IAPP: variants seen among roughly 807,000 people sequenced by gnomAD.
IAPP encodes Islet amyloid polypeptide (diabetes-associated peptide; amylin).
Under a neutral mutation model 2.9 loss-of-function variants are expected in IAPP, and 4 were observed. The ratio of observed to expected loss-of-function variants is 1.39; its 90% CI spans 0.69 to 3.19. IAPP has a LOEUF of 3.19. IAPP is among the 30% of genes most tolerant of loss of function. The pLI, the probability that IAPP is intolerant of heterozygous loss-of-function variation, is 0.01. For missense variants in IAPP, 114 were observed against 105.3 expected (o/e 1.08, Z -0.36); for synonymous variants, 40 against 42.1 (o/e 0.95, Z 0.19).
chr12:21,364,717 G>A (rs1190245419), intron 1 of IAPP, among the ~76,000 whole-genome samples: 1 of 152,014 alleles, frequency 6.6e-6, no homozygotes, highest in African/African-American at 2.4e-5. Context: ...TACAAACTCA[G>A]TGTGCAAAAT....
chr12:21,362,807 C>A (rs1013109779), intron 1 of IAPP, among the ~76,000 whole-genome samples: 2 of 152,172 alleles, frequency 1.3e-5, no homozygotes, highest in African/African-American at 4.8e-5. Flanking sequence ...AAGGCCATTA[C>A]ATAATGGTAA....
intron 2 of IAPP, among the ~76,000 whole-genome samples, chr12:21,378,007 G>A (rs1460079198): frequency 6.6e-6 from 1 of 152,032 alleles, no homozygotes; most frequent in African/African-American, 2.4e-5. Context: ...ACTTTTAACT[G>A]AGAAATGCAA....
intron 1 of IAPP, among the ~76,000 whole-genome samples, chr12:21,362,750 T>C (rs1037177408): frequency 1.3e-5 from 2 of 152,168 alleles, no homozygotes; most frequent in African/African-American, 4.8e-5. Context: ...GTTGCAATCC[T>C]AGTCTCTGAT....
At chr12:21,361,985 C>T (rs1005698792) in intron 1 of IAPP, among the ~76,000 whole-genome samples, 12 of 152,012 alleles carry the variant, frequency 7.9e-5, no homozygotes, top group South Asian at 2.1e-4. Flanking sequence ...GATATCATGC[C>T]GGAGAACTTC....
At chr12:21,366,112 CA>C (rs1396862446) in intron 1 of IAPP, among the ~76,000 whole-genome samples, 1 of 152,140 alleles carries the variant, frequency 6.6e-6, no homozygotes, top group Non-Finnish European at 1.5e-5. Flanking sequence ...ATGTTTATTG[CA>C]GCACTATTCA....
At chr12:21,378,117 A>C (rs1940339507) in intron 2 of IAPP, 120 bp from the exon 3 acceptor site, 3 of 869,006 alleles carry the variant, frequency 3.5e-6, no homozygotes, top group Non-Finnish European at 5.4e-6. Context: ...CAAAACACTG[A>C]GTTACTTATG....
intron 1 of IAPP, among the ~76,000 whole-genome samples, chr12:21,357,516 C>T (rs1938467995): frequency 6.6e-6 from 1 of 152,200 alleles, no homozygotes. Context: ...TGTTGCAGCA[C>T]TTTTTGTCCC....
intron 2 of IAPP, among the ~76,000 whole-genome samples, chr12:21,374,193 T>C (rs185726844): frequency 5.5e-4 from 84 of 152,310 alleles, no homozygotes; most frequent in African/African-American, 1.9e-3. Flanking sequence ...CTAACAACTA[T>C]GTCACGTAAA....
Position 21,378,710 on chromosome 12 carries a change from G to A in IAPP, c.*284G>A, listed in dbSNP as rs867015584. 9 of 304,978 alleles carry A rather than the reference G, an allele frequency of 3.0e-5. No homozygotes were observed. The highest frequency in any genetic ancestry group is 1.3e-4 in the South Asian group (2 of 15,906). 18.9% of individuals were successfully genotyped at this position (304,978 alleles called of 1,614,324 possible). Reference sequence around the variant, plus strand: ...ATCTCAGTGGCACAGGTTTAAGAACGAAGGAGAAAAAGGTAGTTTGAACCT... The same window carrying A: ...ATCTCAGTGGCACAGGTTTAAGAACAAAGGAGAAAAAGGTAGTTTGAACCT... On this transcript the variant is annotated 3_prime_UTR_variant, in exon 3 of 3. Coordinates refer to ENST00000240652, the MANE Select transcript of IAPP (RefSeq NM_000415.3).
chr12:21,365,945 T>G (rs1939341704), intron 1 of IAPP, among the ~76,000 whole-genome samples: 1 of 152,198 alleles, frequency 6.6e-6, no homozygotes, highest in Non-Finnish European at 1.5e-5. Context: ...TTTTACACTG[T>G]TGGTGGGACT....
At chr12:21,375,568 C>T (rs1245607038) in intron 2 of IAPP, among the ~76,000 whole-genome samples, 3 of 152,138 alleles carry the variant, frequency 2.0e-5, no homozygotes, top group African/African-American at 7.2e-5. Flanking sequence ...TTTTTACACT[C>T]CCTTGTAAAT....
chr12:21,368,088 A>G (rs1939520530), upstream of IAPP, among the ~76,000 whole-genome samples: 1 of 152,156 alleles, frequency 6.6e-6, no homozygotes, highest in African/African-American at 2.4e-5. Context: ...ACTCAGAATG[A>G]ACAACTTGCC....
At chr12:21,373,928 T>C (rs1265332653) in intron 2 of IAPP, among the ~76,000 whole-genome samples, 1 of 152,204 alleles carries the variant, frequency 6.6e-6, no homozygotes, top group Non-Finnish European at 1.5e-5. Flanking sequence ...AGGAGCAAAT[T>C]AATGTTTTTA....
At chr12:21,359,762 AT>A (rs1024027135) in intron 1 of IAPP, among the ~76,000 whole-genome samples, 5 of 151,894 alleles carry the variant, frequency 3.3e-5, no homozygotes, top group African/African-American at 4.8e-5. Flanking sequence ...AAAAAAAAAA[AT>A]CAATGGACTT....
chr12:21,368,673 G>A (rs1324775975), upstream of IAPP, among the ~76,000 whole-genome samples: 1 of 151,978 alleles, frequency 6.6e-6, no homozygotes, highest in Non-Finnish European at 1.5e-5. Flanking sequence ...AGTGGGAGGT[G>A]GGAGGAAAGT....
chr12:21,373,661 G>A (rs1685721841), intron 2 of IAPP: 1 of 701,458 alleles, frequency 1.4e-6, no homozygotes, highest in Non-Finnish European at 2.6e-6. Flanking sequence ...GATAATTCCA[G>A]TTTTGTCAAG....
At chr12:21,365,744 G>C (rs957268238) in intron 1 of IAPP, among the ~76,000 whole-genome samples, 2 of 152,112 alleles carry the variant, frequency 1.3e-5, no homozygotes, top group Non-Finnish European at 2.9e-5. Flanking sequence ...TGAAGGATAT[G>C]AACAGACACT....
intron 1 of IAPP, among the ~76,000 whole-genome samples, chr12:21,359,469 C>T (rs1938642383): frequency 6.6e-6 from 1 of 152,088 alleles, no homozygotes; most frequent in African/African-American, 2.4e-5. Flanking sequence ...TGGGAGTCTC[C>T]CAGATAAATG....
rs1160132507 is a variant in IAPP at position 21,378,490 on chromosome 12, G to A, written c.*64G>A. 7.5e-6 allele frequency: 10 copies of A among 1,336,474 alleles called. No homozygotes were observed. The East Asian group carries it at 1.6e-4, about 22-fold the overall frequency. 82.8% of individuals were successfully genotyped at this position (1,336,474 alleles called of 1,614,324 possible). On this transcript the variant is annotated 3_prime_UTR_variant, in exon 3 of 3. Transcript: ENST00000240652. ...GTGATTTCCTGTATAATTTAACAGTGCCCTTTTCATCTCCAGTGTGAATAT... is the reference window on the plus strand; with the variant it reads ...GTGATTTCCTGTATAATTTAACAGTACCCTTTTCATCTCCAGTGTGAATAT...
Sources: gnomAD v4.1 joint callset for allele counts (sites outside exome capture counted in the v4.1 genomes callset) on GRCh38, gnomAD v4.1.1 for gene constraint, MANE v1.5 for transcripts, NCBI Gene and HGNC (gene_info 2026-07-23, HGNC 2026-07-21) for gene names.